Variants in DPP6 observed in about 807,000 individuals in gnomAD.
DPP6 encodes A-type potassium channel modulatory protein DPP6.
In DPP6, 69 loss-of-function variants were observed where a neutral mutation model predicts 122.6. The ratio of observed to expected loss-of-function variants is 0.56; its 90% confidence interval spans 0.46 to 0.69. The LOEUF (loss-of-function observed/expected upper bound fraction) is 0.69. Among genes scored for constraint, DPP6 ranks in the 30% least tolerant of loss-of-function variants. The pLI is 0.00. For missense variants in DPP6, 928 were observed against 1,116.9 expected, an observed-to-expected ratio of 0.83 and a Z score of 2.41; for synonymous variants, 418 against 433.1, an observed-to-expected ratio of 0.97 and a Z score of 0.43.
At chr7:153,765,051 C>A in the DPP6 span, among the ~76,000 whole-genome samples, 1 of 151,702 alleles carries the variant, frequency 6.6e-6, no homozygotes, top group Non-Finnish European at 1.5e-5. Context: ...GTTGCACAGC[C>A]CTTAGTCCCT....
intron 1 of DPP6, among the ~76,000 whole-genome samples, chr7:154,436,048 A>G (rs1433458153): frequency 1.3e-5 from 2 of 152,094 alleles, no homozygotes; most frequent in African/African-American, 4.8e-5. Context: ...TTCTCTAGGC[A>G]CTTTTCTGAT....
chr7:154,625,346 A>T (rs2130872456), intron 5 of DPP6, among the ~76,000 whole-genome samples: 1 of 152,204 alleles, frequency 6.6e-6, no homozygotes, highest in East Asian at 1.9e-4. Context: ...AGAAGGAGAA[A>T]CAGCAGGAGA....
At chr7:154,592,298 G>A (rs914867583) in intron 5 of DPP6, among the ~76,000 whole-genome samples, 3 of 152,192 alleles carry the variant, frequency 2.0e-5, no homozygotes, top group Non-Finnish European at 4.4e-5. Context: ...AGAAGAAGAA[G>A]AAAGAAGATG....
chr7:153,817,683 A>C, the DPP6 span, among the ~76,000 whole-genome samples: 3 of 146,736 alleles, frequency 2.0e-5, no homozygotes, highest in African/African-American at 7.6e-5. Context: ...ACCAAACACC[A>C]CATGTTCTCA....
chr7:154,783,636 C>T (rs1445598305), intron 10 of DPP6, among the ~76,000 whole-genome samples: 2 of 152,192 alleles, frequency 1.3e-5, no homozygotes, highest in African/African-American at 2.4e-5. Flanking sequence ...GGCATTATAA[C>T]GTTCCTGTAG....
intron 3 of DPP6, among the ~76,000 whole-genome samples, chr7:154,491,664 TG>T (rs1252267966): frequency 3.3e-5 from 5 of 152,066 alleles, no homozygotes; most frequent in African/African-American, 1.2e-4. Flanking sequence ...CTTACATACT[TG>T]AAGAACAGGA....
chr7:153,999,414 A>C lies in DPP6; in HGVS notation c.51+111680A>C, dbSNP rs181612539. On this transcript the variant is annotated intron_variant, in intron 1 of 25. Transcript: ENST00000404039. Reference sequence around the variant, plus strand: ...GTTTCTCATATCTTATTTCTTCATAATATCTTGCCCCATCACATCTTCAAG... The same window carrying C: ...GTTTCTCATATCTTATTTCTTCATACTATCTTGCCCCATCACATCTTCAAG... Among the ~76,000 whole-genome samples, 9 of 152,312 alleles carry C rather than the reference A, an allele frequency of 5.9e-5. No individual in the cohort carries two copies. In the East Asian group the frequency reaches 1.7e-3, roughly 29 times the overall value.
chr7:154,104,455 C>T (rs1437955094), intron 1 of DPP6, among the ~76,000 whole-genome samples: 4 of 152,208 alleles, frequency 2.6e-5, no homozygotes, highest in African/African-American at 9.7e-5. Flanking sequence ...CATGGTGGAA[C>T]GTGCTTTAGT....
At chr7:153,919,115 G>A (rs973161753) in intron 1 of DPP6, among the ~76,000 whole-genome samples, 2 of 152,102 alleles carry the variant, frequency 1.3e-5, no homozygotes, top group Non-Finnish European at 2.9e-5. Flanking sequence ...TTGAGAATGG[G>A]TTGTAAACCA....
At chr7:154,666,519 C>A (rs1421894813) in intron 6 of DPP6, among the ~76,000 whole-genome samples, 1 of 151,962 alleles carries the variant, frequency 6.6e-6, no homozygotes, top group East Asian at 1.9e-4. Flanking sequence ...TAGTTAACAT[C>A]TATTCTCTTA....
chr7:154,448,211 T>A (rs1820052579), intron 2 of DPP6, among the ~76,000 whole-genome samples: 1 of 152,136 alleles, frequency 6.6e-6, no homozygotes, highest in Admixed American at 6.5e-5. Flanking sequence ...CCTATTATAA[T>A]AATAAATGAG....
At chr7:154,305,573 C>CGT (rs143438546) in intron 1 of DPP6, 55,132 of 1,525,430 alleles carry the variant, frequency 0.036, 664 homozygotes, top group African/African-American at 0.13. Flanking sequence ...TTTGGGGGTC[C>CGT]GTGTGTGTGT....
intron 7 of DPP6, among the ~76,000 whole-genome samples, chr7:154,715,465 T>C (rs149436346): frequency 6.8e-4 from 103 of 152,362 alleles, no homozygotes; most frequent in African/African-American, 2.2e-3. Context: ...ATCACACACT[T>C]GTACAATTTT....
chr7:154,124,337 G>A (rs958863772), intron 1 of DPP6, among the ~76,000 whole-genome samples: 4 of 152,224 alleles, frequency 2.6e-5, no homozygotes, highest in East Asian at 3.9e-4. Context: ...GGTGGAGAGC[G>A]GGAGCAGGGG....
intron 1 of DPP6, among the ~76,000 whole-genome samples, chr7:154,082,010 A>G (rs777171734): frequency 6.6e-5 from 10 of 152,146 alleles, no homozygotes; most frequent in Non-Finnish European, 1.5e-4. Flanking sequence ...TCTTCAAAAC[A>G]TCAGAGACTG....
chr7:154,057,060 C>G (rs1372501150), intron 1 of DPP6, among the ~76,000 whole-genome samples: 1 of 152,224 alleles, frequency 6.6e-6, no homozygotes, highest in Non-Finnish European at 1.5e-5. Flanking sequence ...CAATGTTGCC[C>G]TCTCTTGATC....
At chr7:154,596,589 G>C (rs1833108953) in intron 5 of DPP6, among the ~76,000 whole-genome samples, 1 of 152,200 alleles carries the variant, frequency 6.6e-6, no homozygotes, top group Non-Finnish European at 1.5e-5. Context: ...ACATGGAGCA[G>C]GTCCTCAAAG....
the DPP6 span, among the ~76,000 whole-genome samples, chr7:153,876,117 A>G: frequency 2.0e-5 from 3 of 152,056 alleles, no homozygotes; most frequent in African/African-American, 7.2e-5. Context: ...TTAGACTGGT[A>G]TGCACCTAAT....
At chr7:153,877,553 C>T in the DPP6 span, among the ~76,000 whole-genome samples, 6 of 152,086 alleles carry the variant, frequency 3.9e-5, no homozygotes, top group African/African-American at 9.7e-5. Flanking sequence ...AGGAATTTTT[C>T]GGCTTCATTA....
Sources: gnomAD v4.1 joint callset for allele counts (sites outside exome capture counted in the v4.1 genomes callset) on GRCh38, gnomAD v4.1.1 for gene constraint, MANE v1.5 for transcripts, NCBI Gene and HGNC (gene_info 2026-07-23, HGNC 2026-07-21) for gene names.